Variants in PRKCB observed in about 807,000 individuals in gnomAD.
PRKCB encodes protein kinase C beta, also known as protein kinase C beta type.
Under a neutral mutation model 81.5 loss-of-function variants are expected in PRKCB, and 13 were observed. That is an observed-to-expected ratio of 0.16 (90% CI 0.10 to 0.25). The LOEUF (loss-of-function observed/expected upper bound fraction) is 0.25, where lower values mean the gene tolerates loss of function less well. Among genes scored for constraint, PRKCB ranks in the 10% least tolerant of loss-of-function variants. The pLI is 1.00. For synonymous variants in PRKCB, 335 were observed against 321.4 expected (o/e 1.04, Z -0.45); for missense variants, 509 against 875.7 (o/e 0.58, Z 5.29).
intron 2 of PRKCB, among the ~76,000 whole-genome samples, chr16:23,971,848 A>C (rs552259943): frequency 6.6e-6 from 1 of 152,288 alleles, no homozygotes; most frequent in South Asian, 2.1e-4. Flanking sequence ...TTGCAAAACA[A>C]TGGCAGTTTC....
intron 2 of PRKCB, among the ~76,000 whole-genome samples, chr16:23,901,811 C>T (rs190425185): frequency 2.0e-4 from 30 of 152,256 alleles, no homozygotes; most frequent in African/African-American, 7.0e-4. Flanking sequence ...TGATCATTCC[C>T]CAACATTGGA....
intron 2 of PRKCB, among the ~76,000 whole-genome samples, chr16:23,939,183 T>G (rs1056783135): frequency 2.0e-5 from 3 of 152,198 alleles, no homozygotes; most frequent in Non-Finnish European, 4.4e-5. Flanking sequence ...CAACAAAACA[T>G]TTGCAGGACT....
At chr16:23,905,314 C>T (rs542909822) in intron 2 of PRKCB, among the ~76,000 whole-genome samples, 7 of 152,240 alleles carry the variant, frequency 4.6e-5, no homozygotes, top group South Asian at 2.1e-4. Flanking sequence ...TGCATCCTCC[C>T]GGTTATAATG....
chr16:23,931,663 G>A (rs1160726979), intron 2 of PRKCB, among the ~76,000 whole-genome samples: 1 of 152,086 alleles, frequency 6.6e-6, no homozygotes, highest in African/African-American at 2.4e-5. Flanking sequence ...CTGTGCTACC[G>A]AGACGGGGAG....
At chr16:24,154,657 C>T in intron 9 of PRKCB, 27 bp from the exon 10 acceptor site, 1 of 1,612,504 alleles carries the variant, frequency 6.2e-7, no homozygotes, top group Admixed American at 1.7e-5. Flanking sequence ...CTTCCAACTG[C>T]CCTGACATGC....
At chr16:24,003,988 A>G (rs1210605534) in intron 3 of PRKCB, among the ~76,000 whole-genome samples, 2 of 152,246 alleles carry the variant, frequency 1.3e-5, no homozygotes, top group African/African-American at 4.8e-5. Context: ...TAAAATAGTG[A>G]ATGCTATTTT....
chr16:23,844,689 A>G (rs902079849), intron 2 of PRKCB, among the ~76,000 whole-genome samples: 1 of 148,896 alleles, frequency 6.7e-6, no homozygotes, highest in Non-Finnish European at 1.5e-5. Flanking sequence ...TTGTATTTTT[A>G]GTAGAGATGG....
At chr16:23,937,225 A>G (rs1964074207) in intron 2 of PRKCB, among the ~76,000 whole-genome samples, 2 of 152,214 alleles carry the variant, frequency 1.3e-5, no homozygotes, top group African/African-American at 4.8e-5. Context: ...GCAAGGCCCA[A>G]TAAATTTTTA....
chr16:23,930,891 TC>T (rs1963964218), intron 2 of PRKCB, among the ~76,000 whole-genome samples: 1 of 150,388 alleles, frequency 6.6e-6, no homozygotes, highest in East Asian at 1.9e-4. Context: ...TTTGTAAATA[TC>T]ATCGATGAGG....
At chr16:23,895,610 T>C (rs1019889762) in intron 2 of PRKCB, among the ~76,000 whole-genome samples, 3 of 152,150 alleles carry the variant, frequency 2.0e-5, no homozygotes, top group Non-Finnish European at 4.4e-5. Context: ...GGAGTTAGAG[T>C]TTCATGATTC....
chr16:24,130,893 G>A (rs925642463), intron 9 of PRKCB, among the ~76,000 whole-genome samples: 6 of 152,176 alleles, frequency 3.9e-5, no homozygotes, highest in South Asian at 2.1e-4. Flanking sequence ...TGGATGACAC[G>A]TCGTCTCAGC....
intron 12 of PRKCB, among the ~76,000 whole-genome samples, chr16:24,176,776 C>G (rs975925575): frequency 6.6e-6 from 1 of 151,952 alleles, no homozygotes; most frequent in Non-Finnish European, 1.5e-5. Flanking sequence ...TGTCTGTAAT[C>G]CCAGCCACTC....
chr16:23,939,567 A>G (rs747075127), intron 2 of PRKCB, among the ~76,000 whole-genome samples: 1 of 152,218 alleles, frequency 6.6e-6, no homozygotes, highest in Non-Finnish European at 1.5e-5. Context: ...AGTATGCTCA[A>G]TTGATTTTTG....
chr16:23,938,833 T>C (rs1233240245), intron 2 of PRKCB, among the ~76,000 whole-genome samples: 1 of 152,148 alleles, frequency 6.6e-6, no homozygotes, highest in Non-Finnish European at 1.5e-5. Context: ...GTGTTCAACA[T>C]AGTGCTGTAT....
chr16:23,843,891 C>T (rs887047560), intron 2 of PRKCB, among the ~76,000 whole-genome samples: 43 of 150,618 alleles, frequency 2.9e-4, no homozygotes, highest in African/African-American at 1.0e-3. Context: ...CACATTTGTA[C>T]TGTTGGGGTC....
chr16:24,128,250 C>T (rs1966847958), intron 9 of PRKCB, among the ~76,000 whole-genome samples: 1 of 152,230 alleles, frequency 6.6e-6, no homozygotes, highest in Non-Finnish European at 1.5e-5. Context: ...TGGCAGGCGC[C>T]TGTATTCCCA....
intron 5 of PRKCB, among the ~76,000 whole-genome samples, chr16:24,076,237 C>T (rs752005896): frequency 5.3e-5 from 8 of 152,102 alleles, no homozygotes; most frequent in Non-Finnish European, 7.4e-5. Flanking sequence ...TTTATATGCC[C>T]CAGTTAAGCC....
rs969075079 is a variant in PRKCB at position 24,214,850 on chromosome 16, C to G, written c.*34C>G. 1 of 1,538,412 alleles carries G rather than the reference C, an allele frequency of 6.5e-7. No homozygotes were observed. The highest frequency in any genetic ancestry group is 8.7e-7 in the Non-Finnish European group (1 of 1,146,290). On this transcript the variant is annotated 3_prime_UTR_variant, in exon 17 of 17. Coordinates refer to ENST00000643927, the MANE Select transcript of PRKCB (RefSeq NM_002738.7). ...GTAGATCTCCGTCCTTCATTTCTGT[C>G]ATTCAAGCTCAACGGCTATTGTGGT... is the stretch of plus-strand genomic sequence containing the variant.
chr16:23,895,614 A>G (rs1468250638), intron 2 of PRKCB, among the ~76,000 whole-genome samples: 1 of 152,138 alleles, frequency 6.6e-6, no homozygotes, highest in Non-Finnish European at 1.5e-5. Flanking sequence ...TTAGAGTTTC[A>G]TGATTCTCCA....
Sources: gnomAD v4.1 joint callset for allele counts (sites outside exome capture counted in the v4.1 genomes callset) on GRCh38, gnomAD v4.1.1 for gene constraint, MANE v1.5 for transcripts, NCBI Gene and HGNC (gene_info 2026-07-23, HGNC 2026-07-21) for gene names.